Variants in AKAP19 observed in about 807,000 individuals in gnomAD.
AKAP19 encodes the protein A-kinase anchoring protein 19, also known as small A-kinase anchoring protein.
chr2:189,925,313 TTATAAAA>T, the AKAP19 span, among the ~76,000 whole-genome samples: 10 of 152,184 alleles, frequency 6.6e-5, no homozygotes, highest in South Asian at 2.1e-4. Context: ...CATAGCAACT[TTATAAAA>T]TATAACTTAT....
At chr2:190,126,603 A>G in the AKAP19 span, among the ~76,000 whole-genome samples, 1 of 152,232 alleles carries the variant, frequency 6.6e-6, no homozygotes, top group Middle Eastern at 3.4e-3. Context: ...TTCTATAAAA[A>G]TAAAATCTTC....
chr2:189,908,255 A>T, the AKAP19 span, among the ~76,000 whole-genome samples: 1 of 148,970 alleles, frequency 6.7e-6, no homozygotes, highest in Non-Finnish European at 1.5e-5. Context: ...GTGCAGTGGC[A>T]TGATCTCGGC....
chr2:190,143,080 C>G, the AKAP19 span, among the ~76,000 whole-genome samples: 1 of 151,860 alleles, frequency 6.6e-6, no homozygotes, highest in East Asian at 1.9e-4. Flanking sequence ...ATGTTAATGA[C>G]CATATAATAA....
the AKAP19 span, among the ~76,000 whole-genome samples, chr2:190,032,722 T>C: frequency 6.6e-6 from 1 of 152,122 alleles, no homozygotes; most frequent in East Asian, 1.9e-4. Flanking sequence ...AGTTTTGTTT[T>C]TTTTTTTACC....
chr2:190,103,607 A>AT, the AKAP19 span, among the ~76,000 whole-genome samples: 1 of 152,364 alleles, frequency 6.6e-6, no homozygotes, highest in Admixed American at 6.5e-5. Context: ...AAAAAATAAA[A>AT]TACCTACGAA....
chr2:189,893,458 C>A, the AKAP19 span, among the ~76,000 whole-genome samples: 1 of 152,204 alleles, frequency 6.6e-6, no homozygotes, highest in African/African-American at 2.4e-5. Flanking sequence ...CAAGGCTTCC[C>A]TTGGCTAGGA....
the AKAP19 span, among the ~76,000 whole-genome samples, chr2:190,168,388 A>C: frequency 2.6e-5 from 4 of 152,262 alleles, no homozygotes; most frequent in African/African-American, 9.6e-5. Flanking sequence ...GGCCTCTGAC[A>C]TGCCCTGGAG....
At chr2:190,131,623 A>T in the AKAP19 span, among the ~76,000 whole-genome samples, 1 of 152,338 alleles carries the variant, frequency 6.6e-6, no homozygotes, top group Admixed American at 6.5e-5. Context: ...GGTGGGGGTC[A>T]TTGGAAGTCC....
At chr2:190,085,261 A>C in the AKAP19 span, among the ~76,000 whole-genome samples, 1 of 152,256 alleles carries the variant, frequency 6.6e-6, no homozygotes, top group Admixed American at 6.5e-5. Context: ...TGGTTATTCA[A>C]TTAAAGCCTA....
At chr2:190,123,104 C>A in the AKAP19 span, among the ~76,000 whole-genome samples, 3 of 152,194 alleles carry the variant, frequency 2.0e-5, no homozygotes, top group African/African-American at 4.8e-5. Flanking sequence ...GAGCCCCCCA[C>A]ACACACACTA....
chr2:189,972,996 C>G, the AKAP19 span, among the ~76,000 whole-genome samples: 1 of 152,158 alleles, frequency 6.6e-6, no homozygotes, highest in Non-Finnish European at 1.5e-5. Flanking sequence ...CCTGATTGCC[C>G]TGGCCAGAAC....
At chr2:189,969,728 CAAAA>C in the AKAP19 span, among the ~76,000 whole-genome samples, 3 of 49,446 alleles carry the variant, frequency 6.1e-5, no homozygotes, top group African/African-American at 1.5e-4. Flanking sequence ...GACTCCATCT[CAAAA>C]AAAAAAAAAA....
the AKAP19 span, chr2:190,057,471 C>G: frequency 1.1e-5 from 17 of 1,613,562 alleles, no homozygotes; most frequent in Non-Finnish European, 1.4e-5. Flanking sequence ...AGTAATTGGC[C>G]TTATATCTTT....
the AKAP19 span, among the ~76,000 whole-genome samples, chr2:189,891,223 CTT>C: frequency 0.025 from 2,763 of 110,336 alleles, 54 homozygotes; most frequent in African/African-American, 0.1. Flanking sequence ...TTTTTTTTTC[CTT>C]TTTTTTTTTT....
the AKAP19 span, among the ~76,000 whole-genome samples, chr2:190,091,668 G>C: frequency 1.3e-5 from 2 of 151,976 alleles, no homozygotes; most frequent in Admixed American, 6.6e-5. Context: ...ATTTCTAGAG[G>C]CCAAACTTTC....
chr2:190,085,391 A>G, the AKAP19 span, among the ~76,000 whole-genome samples: 22 of 152,156 alleles, frequency 1.4e-4, no homozygotes, highest in Non-Finnish European at 2.4e-4. Flanking sequence ...CATTTTTAAC[A>G]CCGCTTCTGT....
the AKAP19 span, among the ~76,000 whole-genome samples, chr2:189,974,788 G>C: frequency 1.3e-5 from 2 of 152,144 alleles, no homozygotes; most frequent in African/African-American, 2.4e-5. Context: ...TTTTATCAGA[G>C]ACTAAGATTG....
the AKAP19 span, among the ~76,000 whole-genome samples, chr2:190,045,800 A>G: frequency 6.6e-6 from 1 of 152,040 alleles, no homozygotes; most frequent in Non-Finnish European, 1.5e-5. Flanking sequence ...GGGGGTCTAA[A>G]CTCCCACTTT....
the AKAP19 span, among the ~76,000 whole-genome samples, chr2:190,068,834 A>T: frequency 1.3e-5 from 2 of 152,106 alleles, no homozygotes; most frequent in Admixed American, 6.6e-5. Flanking sequence ...GGCAGGAGAG[A>T]TTAGTATCAC....
Sources: gnomAD v4.1 joint callset for allele counts (sites outside exome capture counted in the v4.1 genomes callset) on GRCh38, gnomAD v4.1.1 for gene constraint, MANE v1.5 for transcripts, NCBI Gene and HGNC (gene_info 2026-07-23, HGNC 2026-07-21) for gene names.